CEACAM16: variants seen among roughly 807,000 people sequenced by gnomAD.
The protein encoded by CEACAM16 is CEA cell adhesion molecule 16, tectorial membrane component.
In CEACAM16, 30 loss-of-function variants were observed where a neutral mutation model predicts 39.4. That is an observed-to-expected ratio of 0.76 (90% CI 0.57 to 1.03). CEACAM16 has a LOEUF of 1.03. Ranked by LOEUF, CEACAM16 falls within the 50% of genes least tolerant of loss-of-function variation. The pLI is 0.00. For missense variants in CEACAM16, 521 were observed against 585.3 expected, an observed-to-expected ratio of 0.89 and a Z score of 1.13; for synonymous variants, 262 against 264.9, an observed-to-expected ratio of 0.99 and a Z score of 0.11.
intron 2 of CEACAM16, among the ~76,000 whole-genome samples, chr19:44,703,104 G>T (rs1974375662): frequency 6.6e-6 from 1 of 152,226 alleles, no homozygotes; most frequent in Admixed American, 6.5e-5. Context: ...CCATGTGAGA[G>T]TTGGAAGAAC....
chr19:44,703,608 G>C lies in CEACAM16; in HGVS notation c.297G>C (p.Leu99=), dbSNP rs376958812. 3.3e-5 allele frequency: 53 copies of C among 1,609,402 alleles called. No homozygotes were observed. The highest frequency in any genetic ancestry group is 4.3e-5 in the Non-Finnish European group (51 of 1,177,954). ...GCAGCCTGGACATCCAGGGCATCCT[G>C]CCCCGGCACTCAGGCACCTACATCC... ...PDGSLDIQGI[L]PRHSGTYILQ... The change falls in exon 3 of 7, where the codon CTG becomes CTC. Residue 99 remains leucine (L), a synonymous_variant. Transcript: ENST00000587331.
chr19:44,709,252 A>C (rs957982051), intron 6 of CEACAM16, among the ~76,000 whole-genome samples: 3 of 128,262 alleles, frequency 2.3e-5, no homozygotes, highest in Non-Finnish European at 3.3e-5. Flanking sequence ...TGGGAACTCC[A>C]GGAGTGAGGG....
chr19:44,701,354 C>T lies in CEACAM16; in HGVS notation c.-96-7C>T. 1 of 1,279,574 alleles carries T rather than the reference C, an allele frequency of 7.8e-7. No homozygotes were observed. The highest frequency in any genetic ancestry group is 1.1e-6 in the Non-Finnish European group (1 of 899,380). 79.3% of individuals were successfully genotyped at this position (1,279,574 alleles called of 1,614,324 possible). A position where few individuals can be genotyped will look rare whatever the true frequency, so the allele number is the denominator to read the frequency against. On this transcript the variant is annotated splice_polypyrimidine_tract_variant and splice_region_variant and intron_variant, in intron 1 of 6. Transcript: ENST00000587331. This position sits in a 1 kb window ranked among gnomAD's most constrained non-coding sequence, Gnocchi z 4.0. ...TCCCCTGGCTCCAAATCACCAAACC[C>T]TCCCAGGTCCTGCGGCAGACGGAGC...
intron 3 of CEACAM16, 104 bp from the exon 4 acceptor site, chr19:44,703,914 T>C: frequency 7.5e-7 from 1 of 1,334,554 alleles, no homozygotes; most frequent in Non-Finnish European, 1.0e-6. Flanking sequence ...GCTGAGGGTG[T>C]GGGGGCCCAG....
intron 6 of CEACAM16, among the ~76,000 whole-genome samples, chr19:44,708,432 T>C (rs2122205636): frequency 6.6e-6 from 1 of 151,666 alleles, no homozygotes; most frequent in African/African-American, 2.4e-5. Context: ...AGACTGAGGG[T>C]TGCTAAAGGG....
chr19:44,708,585 A>G lies in CEACAM16; in HGVS notation c.1267+398A>G, dbSNP rs150420308. On this transcript the variant is annotated intron_variant, in intron 6 of 6. Transcript: ENST00000587331. The stretch of plus-strand genomic sequence containing the variant: ...AGGGTCCATATTGGGGTAATGGGTT[A>G]ATTATAGGAGTTTACCTCTCCTATC... 2.9e-3 allele frequency among the ~76,000 whole-genome samples: 437 copies of G among 152,330 alleles called. 5 individuals are homozygous for G. The highest frequency in any genetic ancestry group is 9.5e-3 in the African/African-American group (395 of 41,572).
rs530187110 is a variant in CEACAM16 at position 44,701,275 on chromosome 19, C to T, written c.-96-86C>T. 3.2e-5 allele frequency: 23 copies of T among 726,630 alleles called. No individual in the cohort carries two copies. Among genetic ancestry groups the T allele is most frequent in the Middle Eastern group, 5.9e-4 (2 of 3,368 alleles). 45.0% of individuals were successfully genotyped at this position (726,630 alleles called of 1,614,324 possible). A position where few individuals can be genotyped will look rare whatever the true frequency, so the allele number is the denominator to read the frequency against. Reference sequence around the variant, plus strand: ...GGTGCCCGCCACACCCACCCTGGTACCCAAACCGGGCCCCAGATCCTTGGT... The same window carrying T: ...GGTGCCCGCCACACCCACCCTGGTATCCAAACCGGGCCCCAGATCCTTGGT... On this transcript the variant is annotated intron_variant, in intron 1 of 6. Coordinates refer to ENST00000587331, the MANE Select transcript of CEACAM16 (RefSeq NM_001039213.4). This position sits in a 1 kb window ranked among gnomAD's most constrained non-coding sequence, Gnocchi z 4.0.
rs1251084579 is a variant in CEACAM16 at position 44,703,609 on chromosome 19, C to T, written c.298C>T (p.Pro100Ser). 6.2e-7 allele frequency: 1 copy of T among 1,609,306 alleles called. No individual in the cohort carries two copies. Among genetic ancestry groups the T allele is most frequent in the Admixed American group, 1.7e-5 (1 of 59,548 alleles). ...CAGCCTGGACATCCAGGGCATCCTG[C>T]CCCGGCACTCAGGCACCTACATCCT... ...DGSLDIQGIL[P>S]RHSGTYILQT... Residue 100 changes from proline to serine, a missense_variant, in exon 3 of 7, where the codon CCC (proline) becomes TCC (serine). Physicochemically the swap from Pro to Ser is moderately conservative, Grantham distance 74. Coordinates refer to ENST00000587331, the MANE Select transcript of CEACAM16 (RefSeq NM_001039213.4).
Position 44,710,590 on chromosome 19 carries a change from C to T in CEACAM16, c.*84C>T, listed in dbSNP as rs986296424. The T allele has an allele frequency of 2.6e-6, 4 of 1,550,576 alleles. No individual in the cohort carries two copies. Among genetic ancestry groups the T allele is most frequent in the Non-Finnish European group, 1.8e-6 (2 of 1,122,740 alleles). ...GCCCTCTGAGTGGGAACCACTCCCC[C>T]ACAGCGAGGATGCCAGGCTGTGGTC... On this transcript the variant is annotated 3_prime_UTR_variant, in exon 7 of 7. Coordinates refer to ENST00000587331, the MANE Select transcript of CEACAM16 (RefSeq NM_001039213.4).
At chr19:44,710,471 C>T in intron 6 of CEACAM16, 25 bp from the exon 7 acceptor site, 3 of 1,608,576 alleles carry the variant, frequency 1.9e-6, no homozygotes, top group South Asian at 1.1e-5. Context: ...TCCTCCTTCG[C>T]CCCCTCGCCC....
chr19:44,707,638 C>G (rs1004157402), intron 5 of CEACAM16, among the ~76,000 whole-genome samples: 1 of 152,154 alleles, frequency 6.6e-6, no homozygotes, highest in Non-Finnish European at 1.5e-5. Flanking sequence ...CTCTCAAAGT[C>G]TGGGAATTTG....
At position 44,707,932 on chromosome 19, in the gene CEACAM16, G is replaced by C; in HGVS notation, c.1012G>C (p.Val338Leu). The change falls in exon 6 of 7, where the codon GTG becomes CTG. Residue 338 changes from valine (V) to leucine (L), a missense_variant. Physicochemically the swap from Val to Leu is conservative, Grantham distance 32. Transcript: ENST00000587331. ...GGAGGGCCAGGACGTAACACTGACCGTGCAGGGCTACCCCAAGGACCTGCT... is the reference window on the plus strand; with the variant it reads ...GGAGGGCCAGGACGTAACACTGACCCTGCAGGGCTACCCCAAGGACCTGCT... ...PTEGQDVTLT[V>L]QGYPKDLLVY... The C allele has an allele frequency of 6.3e-7, 1 of 1,594,994 alleles. No homozygotes were observed. Among genetic ancestry groups the C allele is most frequent in the South Asian group, 1.1e-5 (1 of 89,524 alleles).
chr19:44,703,501 C>T lies in CEACAM16; in HGVS notation c.190C>T (p.Leu64=). 1 of 1,613,782 alleles carries T rather than the reference C, an allele frequency of 6.2e-7. No homozygotes were observed. The highest frequency in any genetic ancestry group is 1.3e-5 in the African/African-American group (1 of 75,050). The change falls in exon 3 of 7, where the codon CTG becomes TTG. Residue 64 remains leucine (L), a synonymous_variant. Transcript: ENST00000587331. ...GGGGCCCACACTCAGCGTGTCATAC[C>T]TGGTGGCCAGCTACATCGTGAGCAC... ...YAGPTLSVSY[L]VASYIVSTGD...
chr19:44,700,153 A>C (rs1310993299), intron 1 of CEACAM16, among the ~76,000 whole-genome samples: 1 of 152,046 alleles, frequency 6.6e-6, no homozygotes, highest in Admixed American at 6.6e-5. Flanking sequence ...CTACAGGTGC[A>C]CACCACCACA....
Position 44,703,519 on chromosome 19 carries a change from G to A in CEACAM16, c.208G>A (p.Val70Met), listed in dbSNP as rs201182389. 5.7e-5 allele frequency: 92 copies of A among 1,613,644 alleles called. No individual in the cohort carries two copies. Among genetic ancestry groups the A allele is most frequent in the East Asian group, 3.8e-4 (17 of 44,874 alleles). Residue 70 changes from valine to methionine, a missense_variant, in exon 3 of 7, where the codon GTG (valine) becomes ATG (methionine). Val to Met is a conservative substitution (Grantham distance 21, BLOSUM62 1). Coordinates refer to ENST00000587331, the MANE Select transcript of CEACAM16 (RefSeq NM_001039213.4). ...SVSYLVASYI[V>M]STGDETPGPA... ...GTCATACCTGGTGGCCAGCTACATC[G>A]TGAGCACAGGCGATGAGACTCCTGG...
intron 6 of CEACAM16, among the ~76,000 whole-genome samples, chr19:44,708,858 C>T (rs1173733203): frequency 2.6e-5 from 4 of 152,232 alleles, no homozygotes; most frequent in East Asian, 1.9e-4. Context: ...GTCTCCCCAT[C>T]AGACTGGGAG....
chr19:44,707,471 C>T (rs2122203086), intron 5 of CEACAM16, among the ~76,000 whole-genome samples: 1 of 152,130 alleles, frequency 6.6e-6, no homozygotes, highest in East Asian at 1.9e-4. Context: ...CTGACAGACA[C>T]AAGTCCCAAC....
rs747429599 is a variant in CEACAM16 at position 44,708,057 on chromosome 19, G to A, written c.1137G>A (p.Arg379=). Residue 379 remains arginine (R), a synonymous_variant, in exon 6 of 7, where the codon CGG becomes CGA. Transcript: ENST00000587331. ...TTGCAGGCCCCGCGCACACAGGCCG[G>A]GAGGTGGGCTTCCCCAACTGCTCGC... ...TWIAGPAHTG[R]EVGFPNCSLL... The A allele has an allele frequency of 7.4e-6, 12 of 1,612,666 alleles. 1 individual carries two copies. The South Asian group carries it at 1.2e-4, about 16-fold the overall frequency.
chr19:44,710,184 A>C (rs1434976705), intron 6 of CEACAM16, among the ~76,000 whole-genome samples: 2 of 152,220 alleles, frequency 1.3e-5, no homozygotes, highest in African/African-American at 4.8e-5. Flanking sequence ...ACTTTCATCC[A>C]GTCACTGATC....
Sources: gnomAD v4.1 joint callset for allele counts (sites outside exome capture counted in the v4.1 genomes callset) on GRCh38, gnomAD v4.1.1 for gene constraint, Gnocchi (gnomAD v3.1) non-coding constraint, MANE v1.5 for transcripts, NCBI Gene and HGNC (gene_info 2026-07-23, HGNC 2026-07-21) for gene names.